Variants in ULK1 observed in about 807,000 individuals in gnomAD.
ULK1 encodes unc-51 like autophagy activating kinase 1.
Under a neutral mutation model 117.5 loss-of-function variants are expected in ULK1, and 48 were observed. That is an observed-to-expected ratio of 0.41 (90% CI 0.32 to 0.52). The LOEUF (loss-of-function observed/expected upper bound fraction) is 0.52. Ranked by LOEUF, ULK1 falls within the 20% of genes least tolerant of loss-of-function variation. The pLI is 0.29. For missense variants in ULK1, 1,387 were observed against 1,473.4 expected, an observed-to-expected ratio of 0.94 and a Z score of 0.96; for synonymous variants, 790 against 637.8, an observed-to-expected ratio of 1.24 and a Z score of -3.60.
chr12:131,908,444 G>A (rs540775193), intron 5 of ULK1, among the ~76,000 whole-genome samples, 200 bp from the exon 6 acceptor site: 9 of 151,644 alleles, frequency 5.9e-5, no homozygotes, highest in Non-Finnish European at 1.0e-4. Context: ...CGGCGCGCCG[G>A]GCTCTGCGCA....
At position 131,907,486 on chromosome 12, in the gene ULK1, C is replaced by T; in HGVS notation, c.280-9C>T. On this transcript the variant is annotated splice_polypyrimidine_tract_variant and intron_variant, in intron 4 of 27. Coordinates refer to ENST00000321867, the MANE Select transcript of ULK1 (RefSeq NM_003565.4). Reference sequence around the variant, plus strand: ...TGCTGCAGCCTGATGCGTGTCTGGTCTCTTGCAGTACTGCAACGGTGGGGA... The same window carrying T: ...TGCTGCAGCCTGATGCGTGTCTGGTTTCTTGCAGTACTGCAACGGTGGGGA... The T allele has an allele frequency of 6.2e-7, 1 of 1,612,692 alleles. No individual in the cohort carries two copies. Among genetic ancestry groups the T allele is most frequent in the South Asian group, 1.1e-5 (1 of 90,946 alleles).
At chr12:131,896,743 CT>C in intron 3 of ULK1, 1 of 153,106 alleles carries the variant, frequency 6.5e-6, no homozygotes, top group East Asian at 1.9e-4. Flanking sequence ...CTTCCCACCC[CT>C]TTTCTCCCTG....
intron 11 of ULK1, 76 bp from the exon 12 acceptor site, chr12:131,910,636 C>T: frequency 6.2e-7 from 1 of 1,612,158 alleles, no homozygotes; most frequent in Non-Finnish European, 8.5e-7. Flanking sequence ...TTGAGCTTGT[C>T]CAGTCTGTGG....
chr12:131,912,988 G>A (rs79267207), intron 13 of ULK1, among the ~76,000 whole-genome samples: 17,425 of 152,180 alleles, frequency 0.11, 1,579 homozygotes, highest in East Asian at 0.54. Context: ...GGCAGGTAGC[G>A]CTCTGGTCTC....
chr12:131,916,057 G>A lies in ULK1; in HGVS notation c.1776G>A (p.Pro592=), dbSNP rs567520140. ...CACCACAGGCCAGCCCTCCCCAGCC[G>A]TCCCACGGCCTGCAGTCCTGCCGGA... ...FSPPQASPPQ[P]SHGLQSCRNL... Residue 592 remains proline (P), a synonymous_variant, in exon 19 of 28, where the codon CCG becomes CCA. Transcript: ENST00000321867. 4.8e-5 allele frequency: 78 copies of A among 1,611,690 alleles called. 1 individual carries two copies. Among genetic ancestry groups the A allele is most frequent in the South Asian group, 1.2e-4 (11 of 91,000 alleles).
rs761212618 is a variant in ULK1 at position 131,915,904 on chromosome 12, C to A, written c.1623C>A (p.Pro541=). Residue 541 remains proline (P), a synonymous_variant, in exon 19 of 28, where the codon CCC becomes CCA. Coordinates refer to ENST00000321867, the MANE Select transcript of ULK1 (RefSeq NM_003565.4). ...GTCTCTCTCTAGGCTCCTCTGCACC[C>A]GAGCACTCTCCCCGCACTTCCGGGC... ...GRSPRPGSSA[P]EHSPRTSGLG... 1 of 1,611,202 alleles carries A rather than the reference C, an allele frequency of 6.2e-7. No homozygotes were observed. Among genetic ancestry groups the A allele is most frequent in the African/African-American group, 1.3e-5 (1 of 74,906 alleles).
rs1593255051 is a variant in ULK1, at chr12:131,894,982, G to A, written c.-20G>A. ...CTTGGCCCGCCACCCCCCGCCCCGC[G>A]CCCCCGGCCCGCCTGCGCCATGGAG... On this transcript the variant is annotated 5_prime_UTR_variant, in exon 1 of 28. Transcript: ENST00000321867. The A allele has an allele frequency of 1.9e-6, 2 of 1,026,526 alleles. No homozygotes were observed. The highest frequency in any genetic ancestry group is 2.5e-5 in the South Asian group (1 of 40,290). 63.6% of individuals were successfully genotyped at this position (1,026,526 alleles called of 1,614,324 possible).
rs371951450 is a variant in ULK1, at chr12:131,913,754, C to A, written c.1165C>A (p.Leu389Met). The change falls in exon 15 of 28, where the codon CTG becomes ATG. Residue 389 changes from leucine (L) to methionine (M), a missense_variant. By Grantham distance (15) the Leu-to-Met change is conservative (BLOSUM62 2). Transcript: ENST00000321867. ...CTCCCTTCTGCCCCACAGGAGCTCA[C>A]TGGTGGCCTCTGCGGGCTTGGAGAG... ...PDSLMCSGSS[L>M]VASAGLESHG... 1.3e-6 allele frequency: 2 copies of A among 1,550,872 alleles called. No homozygotes were observed. Among genetic ancestry groups the A allele is most frequent in the Non-Finnish European group, 1.7e-6 (2 of 1,149,298 alleles).
chr12:131,907,458 C>T (rs200943532), intron 4 of ULK1, 37 bp from the exon 5 acceptor site: 2 of 1,609,474 alleles, frequency 1.2e-6, no homozygotes, highest in Non-Finnish European at 1.7e-6. Flanking sequence ...GGGCCCTGGG[C>T]CCTGCTGCAG....
intron 16 of ULK1, 80 bp downstream of exon 16, chr12:131,914,557 A>C (rs1889689367): frequency 6.6e-7 from 1 of 1,524,934 alleles, no homozygotes; most frequent in Admixed American, 2.0e-5. Flanking sequence ...CCATAGAGGG[A>C]CAGGGTCGTC....
Position 131,919,621 on chromosome 12 carries a change from C to T in ULK1, c.2803+31C>T, listed in dbSNP as rs200272378. 5.1e-5 allele frequency: 81 copies of T among 1,600,654 alleles called. 1 individual carries two copies. Among genetic ancestry groups the T allele is most frequent in the East Asian group, 1.8e-4 (8 of 44,734 alleles). ...GGCTGCGACCGCTCAGCCCACATGC[C>T]GGGTTGGGGAGGAAGCCCACCTTGC... On this transcript the variant is annotated intron_variant, in intron 25 of 27. Transcript: ENST00000321867.
intron 5 of ULK1, 65 bp downstream of exon 5, chr12:131,907,596 A>G (rs1889327922): frequency 6.4e-7 from 1 of 1,560,840 alleles, no homozygotes; most frequent in African/African-American, 1.4e-5. Context: ...CCAGGGCCAC[A>G]CTGGCCCAGT....
chr12:131,907,908 G>A (rs933321839), intron 5 of ULK1, among the ~76,000 whole-genome samples: 10 of 151,854 alleles, frequency 6.6e-5, no homozygotes, highest in Non-Finnish European at 1.3e-4. Context: ...GGGGCGGGGC[G>A]GGGCAGAGGG....
intron 13 of ULK1, among the ~76,000 whole-genome samples, chr12:131,912,477 G>A (rs547934492): frequency 1.3e-5 from 2 of 152,174 alleles, no homozygotes; most frequent in South Asian, 2.1e-4. Flanking sequence ...GGAACCCCCC[G>A]CTCCATAATG....
chr12:131,911,587 C>T (rs752168509), intron 12 of ULK1, among the ~76,000 whole-genome samples: 40 of 152,182 alleles, frequency 2.6e-4, no homozygotes, highest in East Asian at 3.9e-4. Context: ...CATGGTACCT[C>T]GTTCTCTTGG....
chr12:131,917,770 AC>A (rs1889929620), intron 22 of ULK1, among the ~76,000 whole-genome samples: 1 of 152,028 alleles, frequency 6.6e-6, no homozygotes, highest in Non-Finnish European at 1.5e-5. Context: ...CACCCCTGCC[AC>A]TCAACCTGTG....
intron 13 of ULK1, 30 bp from the exon 14 acceptor site, chr12:131,913,168 C>T: frequency 6.5e-7 from 1 of 1,550,220 alleles, no homozygotes; most frequent in South Asian, 1.2e-5. Context: ...GCGGCAAGGA[C>T]TCCAGGCCCA....
In ULK1 at chr12:131,919,538, C is replaced by T. The variant is rs781745011; in HGVS notation, c.2751C>T (p.Ala917=). ...AELLSSGLQS[A]IDQIRAGKLC... ...TACTGTCCTCCGGCCTGCAAAGTGC[C>T]ATCGACCAGATCCGGGCCGGCAAGC... The change falls in exon 25 of 28, where the codon GCC becomes GCT. Residue 917 remains alanine (A), a synonymous_variant. Coordinates refer to ENST00000321867, the MANE Select transcript of ULK1 (RefSeq NM_003565.4). 1.2e-6 allele frequency: 2 copies of T among 1,612,144 alleles called. No homozygotes were observed. The highest frequency in any genetic ancestry group is 1.7e-5 in the Admixed American group (1 of 59,996).
chr12:131,901,059 T>G (rs1305739951), intron 3 of ULK1, among the ~76,000 whole-genome samples: 3 of 150,536 alleles, frequency 2.0e-5, no homozygotes, highest in Non-Finnish European at 4.4e-5. Context: ...TTTTTTAACT[T>G]TGAAAACAAT....
Sources: gnomAD v4.1 joint callset for allele counts (sites outside exome capture counted in the v4.1 genomes callset) on GRCh38, gnomAD v4.1.1 for gene constraint, MANE v1.5 for transcripts, NCBI Gene and HGNC (gene_info 2026-07-23, HGNC 2026-07-21) for gene names.